Variants in GMPR observed in about 807,000 individuals in gnomAD.
GMPR encodes guanosine monophosphate reductase.
GMPR carries 31 observed loss-of-function variants against 38.4 expected under a neutral mutation model. That is an observed-to-expected ratio of 0.81 (90% confidence interval 0.61 to 1.09). GMPR has a LOEUF of 1.09. GMPR is among the 50% of genes least tolerant of loss of function. The probability of loss-of-function intolerance (pLI) is 0.00; values close to 1 mark genes in which losing one functional copy is unlikely to be tolerated. For synonymous variants in GMPR, 162 were observed against 173.3 expected, an observed-to-expected ratio of 0.93 and a Z score of 0.51; for missense variants, 468 against 453.7, an observed-to-expected ratio of 1.03 and a Z score of -0.29.
intron 4 of GMPR, among the ~76,000 whole-genome samples, chr6:16,257,038 G>A (rs1758994666): frequency 1.3e-5 from 2 of 152,250 alleles, no homozygotes; most frequent in African/African-American, 4.8e-5. Flanking sequence ...ATGGGCTCCT[G>A]TGTGGGGGTT....
At chr6:16,263,942 G>T (rs538507564) in intron 4 of GMPR, among the ~76,000 whole-genome samples, 22 of 151,866 alleles carry the variant, frequency 1.4e-4, no homozygotes, top group Non-Finnish European at 2.8e-4. Context: ...AGAAGGGGTT[G>T]GGGGTTTCTT....
intron 6 of GMPR, among the ~76,000 whole-genome samples, chr6:16,284,985 C>T (rs1453098748): frequency 6.9e-6 from 1 of 144,096 alleles, no homozygotes; most frequent in African/African-American, 2.6e-5. Context: ...CGCCATTACA[C>T]TCCAGCCTGG....
At chr6:16,277,181 G>A (rs1384846351) in intron 5 of GMPR, among the ~76,000 whole-genome samples, 3 of 152,234 alleles carry the variant, frequency 2.0e-5, no homozygotes, top group Admixed American at 1.3e-4. Context: ...AGGACTGTGA[G>A]TGACACATAG....
At chr6:16,276,560 A>G (rs1024510787) in intron 5 of GMPR, among the ~76,000 whole-genome samples, 1 of 152,002 alleles carries the variant, frequency 6.6e-6, no homozygotes, top group Non-Finnish European at 1.5e-5. Context: ...ATTTCCCCAG[A>G]AGCTGTATTG....
intron 7 of GMPR, among the ~76,000 whole-genome samples, chr6:16,288,530 G>A (rs2113704669): frequency 6.6e-6 from 1 of 152,348 alleles, no homozygotes; most frequent in South Asian, 2.1e-4. Context: ...CCATGGCTGA[G>A]CTTCCCCGCC....
At chr6:16,255,382 G>T (rs947383541) in intron 4 of GMPR, among the ~76,000 whole-genome samples, 1 of 152,146 alleles carries the variant, frequency 6.6e-6, no homozygotes, top group Non-Finnish European at 1.5e-5. Flanking sequence ...TTGAAAACGT[G>T]ACTGGGTTTG....
chr6:16,244,473 C>T (rs1022630620), intron 1 of GMPR, among the ~76,000 whole-genome samples: 1 of 152,162 alleles, frequency 6.6e-6, no homozygotes, highest in South Asian at 2.1e-4. Flanking sequence ...CAGCCTCCCA[C>T]GGTACTGGGA....
intron 5 of GMPR, among the ~76,000 whole-genome samples, chr6:16,275,938 T>C (rs73362645): frequency 0.067 from 10,164 of 152,020 alleles, 719 homozygotes; most frequent in African/African-American, 0.18. Context: ...GGCACAGTGG[T>C]ATGCACCTGT....
chr6:16,274,413 A>T lies in GMPR; in HGVS notation c.466-2A>T. 1 of 1,578,124 alleles carries T rather than the reference A, an allele frequency of 6.3e-7. No individual in the cohort carries two copies. The highest frequency in any genetic ancestry group is 1.1e-5 in the South Asian group (1 of 90,346). On this transcript the variant is annotated splice_acceptor_variant, in intron 4 of 8. Transcript: ENST00000259727. LOFTEE classifies it high-confidence loss of function. Reference sequence around the variant, plus strand: ...TCATCAGCTGTATTCTTTCTGTCTCAGGCAGGGAACGTGGTGACAGGAGAA... The same window carrying T: ...TCATCAGCTGTATTCTTTCTGTCTCTGGCAGGGAACGTGGTGACAGGAGAA...
intron 2 of GMPR, 52 bp downstream of exon 2, chr6:16,247,013 GT>G (rs773614032): frequency 1.6e-5 from 25 of 1,569,328 alleles, no homozygotes; most frequent in Non-Finnish European, 2.1e-5. Flanking sequence ...CTGTGGACAG[GT>G]TATCAGGAGC....
At chr6:16,263,040 G>A (rs1056385389) in intron 4 of GMPR, 4 of 151,950 alleles carry the variant, frequency 2.6e-5, no homozygotes, top group East Asian at 1.9e-4. Context: ...TCGGCCTGGC[G>A]AGGAGCAGCC....
intron 8 of GMPR, among the ~76,000 whole-genome samples, chr6:16,294,542 G>A (rs1759899897): frequency 6.6e-6 from 1 of 152,222 alleles, no homozygotes; most frequent in Admixed American, 6.5e-5. Context: ...TGACGTAGGA[G>A]GACAGGAGGC....
intron 7 of GMPR, among the ~76,000 whole-genome samples, chr6:16,288,661 T>C (rs1759750803): frequency 6.6e-6 from 1 of 152,192 alleles, no homozygotes; most frequent in Non-Finnish European, 1.5e-5. Context: ...GTGGGACTGG[T>C]GGGCAGCTCC....
intron 4 of GMPR, among the ~76,000 whole-genome samples, chr6:16,255,878 G>A (rs1758963287): frequency 6.6e-6 from 1 of 152,142 alleles, no homozygotes; most frequent in African/African-American, 2.4e-5. Flanking sequence ...TTCAAGGATT[G>A]TTAAGGATTT....
chr6:16,278,744 T>C, intron 5 of GMPR, 40 bp from the exon 6 acceptor site: 1 of 1,340,056 alleles, frequency 7.5e-7, no homozygotes, highest in African/African-American at 1.4e-5. Flanking sequence ...TCTTCTCATG[T>C]ATAACCATCT....
intron 2 of GMPR, among the ~76,000 whole-genome samples, chr6:16,249,512 T>C (rs549250326): frequency 1.3e-5 from 2 of 152,244 alleles, no homozygotes; most frequent in Non-Finnish European, 2.9e-5. Context: ...TAAATAGACA[T>C]GGGGTCTTGC....
chr6:16,278,904 C>A lies in GMPR; in HGVS notation c.654+14C>A. ...CACATCATCTCTGTGAGTCTCCACC[C>A]GGGGCTGAGGCTGGGGTGTCTTGGG... is the stretch of plus-strand genomic sequence containing the variant. On this transcript the variant is annotated intron_variant, in intron 6 of 8. Coordinates refer to ENST00000259727, the MANE Select transcript of GMPR (RefSeq NM_006877.4). 2 of 1,549,176 alleles carry A rather than the reference C, an allele frequency of 1.3e-6. No individual in the cohort carries two copies. The highest frequency in any genetic ancestry group is 1.8e-6 in the Non-Finnish European group (2 of 1,123,988).
chr6:16,266,032 A>G (rs1260834593), intron 4 of GMPR, among the ~76,000 whole-genome samples: 1 of 152,014 alleles, frequency 6.6e-6, no homozygotes, highest in Non-Finnish European at 1.5e-5. Context: ...TTCACTGCTG[A>G]AGTCAGTGAG....
At chr6:16,288,111 G>A (rs898904835) in intron 7 of GMPR, among the ~76,000 whole-genome samples, 1 of 152,208 alleles carries the variant, frequency 6.6e-6, no homozygotes, top group African/African-American at 2.4e-5. Context: ...CACAGCCCTC[G>A]CTTGCTGTCC....
Sources: gnomAD v4.1 joint callset for allele counts (sites outside exome capture counted in the v4.1 genomes callset) on GRCh38, gnomAD v4.1.1 for gene constraint, MANE v1.5 for transcripts, NCBI Gene and HGNC (gene_info 2026-07-23, HGNC 2026-07-21) for gene names.